RGS6: variants seen among roughly 807,000 people sequenced by gnomAD.
RGS6 encodes the protein regulator of G protein signaling 6.
RGS6 carries 30 observed loss-of-function variants against 78.5 expected under a neutral mutation model. That is an observed-to-expected ratio of 0.38 (90% CI 0.29 to 0.52). The LOEUF (loss-of-function observed/expected upper bound fraction) is 0.52, where lower values mean the gene tolerates loss of function less well. RGS6 is among the 20% of genes least tolerant of loss of function. The pLI is 0.85. For synonymous variants in RGS6, 206 were observed against 206.0 expected (o/e 1.00, Z 0.00); for missense variants, 495 against 609.7 (o/e 0.81, Z 1.98).
intron 1 of RGS6, among the ~76,000 whole-genome samples, chr14:71,945,951 T>C (rs1181547097): frequency 6.6e-6 from 1 of 152,136 alleles, no homozygotes; most frequent in Non-Finnish European, 1.5e-5. Flanking sequence ...ATGCAATATA[T>C]TTTCTCCTTA....
intron 3 of RGS6, among the ~76,000 whole-genome samples, chr14:72,438,916 C>T (rs1353875171): frequency 2.0e-5 from 3 of 152,244 alleles, no homozygotes; most frequent in African/African-American, 4.8e-5. Flanking sequence ...AACCTCCAGG[C>T]GTACGAGCCT....
chr14:72,034,455 A>G (rs1373541441), intron 2 of RGS6, among the ~76,000 whole-genome samples: 1 of 151,136 alleles, frequency 6.6e-6, no homozygotes, highest in African/African-American at 2.4e-5. Context: ...CCCCTTATTA[A>G]TGTGGTATAT....
At chr14:72,176,291 T>A (rs115659147) in intron 2 of RGS6, among the ~76,000 whole-genome samples, 1 of 152,102 alleles carries the variant, frequency 6.6e-6, no homozygotes. Flanking sequence ...CCACCCCTCA[T>A]TGGGGGAGAT....
intron 3 of RGS6, among the ~76,000 whole-genome samples, chr14:72,437,033 A>C (rs967622136): frequency 6.6e-6 from 1 of 151,996 alleles, no homozygotes; most frequent in Admixed American, 6.5e-5. Context: ...TATTGTCAAC[A>C]ATCATGGCCA....
intron 17 of RGS6, chr14:72,540,335 C>T (rs1000787770): frequency 6.8e-7 from 1 of 1,463,920 alleles, no homozygotes; most frequent in East Asian, 2.4e-5. Flanking sequence ...ATCGCCCAGC[C>T]TCAGGCCTGG....
At chr14:72,449,925 A>G (rs2095451654) in intron 3 of RGS6, among the ~76,000 whole-genome samples, 1 of 152,222 alleles carries the variant, frequency 6.6e-6, no homozygotes, top group Admixed American at 6.5e-5. Context: ...AGGCCGTCCA[A>G]AGTTACCCAT....
intron 2 of RGS6, among the ~76,000 whole-genome samples, chr14:72,174,317 C>G (rs1320953164): frequency 6.6e-6 from 1 of 152,110 alleles, no homozygotes; most frequent in Non-Finnish European, 1.5e-5. Context: ...AGGCTGGTCT[C>G]GAACTCCTGA....
chr14:72,389,371 G>T (rs1356057855), intron 3 of RGS6, among the ~76,000 whole-genome samples: 1 of 152,164 alleles, frequency 6.6e-6, no homozygotes, highest in East Asian at 1.9e-4. Flanking sequence ...ATGACCTTCT[G>T]AGAGTCAAAT....
intron 2 of RGS6, among the ~76,000 whole-genome samples, chr14:72,021,194 T>C (rs1293282503): frequency 6.6e-6 from 1 of 152,166 alleles, no homozygotes; most frequent in Non-Finnish European, 1.5e-5. Context: ...TCCTTTGAAA[T>C]AGAAGTGACA....
At chr14:72,095,386 A>G (rs1009165155) in intron 2 of RGS6, among the ~76,000 whole-genome samples, 1 of 151,988 alleles carries the variant, frequency 6.6e-6, no homozygotes, top group Non-Finnish European at 1.5e-5. Flanking sequence ...TTCAGCCTTT[A>G]TCGTTGGGCT....
chr14:72,570,580 C>T (rs766563754), downstream of RGS6, among the ~76,000 whole-genome samples: 2 of 152,148 alleles, frequency 1.3e-5, no homozygotes, highest in Admixed American at 6.5e-5. Context: ...CCAGGTTGAC[C>T]GGCTCCTACC....
chr14:71,919,984 G>A, the RGS6 span, among the ~76,000 whole-genome samples: 5 of 152,026 alleles, frequency 3.3e-5, no homozygotes, highest in African/African-American at 1.2e-4. Context: ...ACAGAGCAAG[G>A]CTCTGTCTCA....
At chr14:72,080,282 G>C (rs1170181464) in intron 2 of RGS6, among the ~76,000 whole-genome samples, 1 of 151,768 alleles carries the variant, frequency 6.6e-6, no homozygotes, top group Non-Finnish European at 1.5e-5. Context: ...CCTGATTAGT[G>C]TTGTTATTTT....
intron 2 of RGS6, among the ~76,000 whole-genome samples, chr14:72,175,969 TGCTCCCCAA>T (rs1419468403): frequency 6.6e-6 from 1 of 152,144 alleles, no homozygotes; most frequent in Non-Finnish European, 1.5e-5. Flanking sequence ...TCCCCTACCT[TGCTCCCCAA>T]GTTCACCACC....
At chr14:71,998,640 T>A (rs1418841441) in intron 2 of RGS6, among the ~76,000 whole-genome samples, 1 of 152,238 alleles carries the variant, frequency 6.6e-6, no homozygotes, top group Non-Finnish European at 1.5e-5. Context: ...AGCATGGCCC[T>A]CATCTCACTT....
At chr14:72,281,309 C>T (rs573664119) in intron 2 of RGS6, among the ~76,000 whole-genome samples, 23 of 151,966 alleles carry the variant, frequency 1.5e-4, no homozygotes, top group African/African-American at 5.6e-4. Flanking sequence ...CCACCATGCC[C>T]AGCTAATTTT....
chr14:72,613,058 G>A, the RGS6 span, among the ~76,000 whole-genome samples: 1 of 152,016 alleles, frequency 6.6e-6, no homozygotes, highest in Non-Finnish European at 1.5e-5. Flanking sequence ...GCACGCGCAT[G>A]CACATGGGCA....
chr14:72,579,939 G>A, the RGS6 span, among the ~76,000 whole-genome samples: 1 of 152,208 alleles, frequency 6.6e-6, no homozygotes, highest in African/African-American at 2.4e-5. Context: ...GATTGGGTGA[G>A]ATCTGGACAA....
At chr14:72,591,182 T>C in the RGS6 span, among the ~76,000 whole-genome samples, 2 of 152,234 alleles carry the variant, frequency 1.3e-5, no homozygotes, top group South Asian at 4.1e-4. Flanking sequence ...TGGGCATGCA[T>C]TATTTTTATA....
Sources: gnomAD v4.1 joint callset for allele counts (sites outside exome capture counted in the v4.1 genomes callset) on GRCh38, gnomAD v4.1.1 for gene constraint, MANE v1.5 for transcripts, NCBI Gene and HGNC (gene_info 2026-07-23, HGNC 2026-07-21) for gene names.